DIP2C: variants seen among roughly 807,000 people sequenced by gnomAD.
DIP2C encodes disco-interacting protein 2 homolog C.
In DIP2C, 33 loss-of-function variants were observed where a neutral mutation model predicts 192.4. The ratio of observed to expected loss-of-function variants is 0.17; its 90% CI spans 0.13 to 0.23. DIP2C has a LOEUF of 0.23. Ranked by LOEUF, DIP2C falls within the 10% of genes least tolerant of loss-of-function variation. DIP2C has a pLI of 1.00. For missense variants in DIP2C, 1,537 were observed against 2,110.1 expected, an observed-to-expected ratio of 0.73 and a Z score of 5.32; for synonymous variants, 979 against 864.1, an observed-to-expected ratio of 1.13 and a Z score of -2.33.
intron 33 of DIP2C, among the ~76,000 whole-genome samples, chr10:287,500 T>TG (rs1231299794): frequency 6.6e-6 from 1 of 152,140 alleles, no homozygotes; most frequent in Non-Finnish European, 1.5e-5. Context: ...CTGCTGACTA[T>TG]GGTCCGCCAG....
At chr10:628,366 T>C (rs1369810936) in intron 1 of DIP2C, among the ~76,000 whole-genome samples, 1 of 152,206 alleles carries the variant, frequency 6.6e-6, no homozygotes, top group African/African-American at 2.4e-5. Flanking sequence ...TGTTTACATA[T>C]CCAATTACTT....
chr10:567,547 G>A (rs1055351458), intron 1 of DIP2C, among the ~76,000 whole-genome samples: 1 of 152,160 alleles, frequency 6.6e-6, no homozygotes, highest in African/African-American at 2.4e-5. Flanking sequence ...CTCTTAATCA[G>A]AAAAGACTTC....
At chr10:586,777 G>A (rs1231647784) in intron 1 of DIP2C, among the ~76,000 whole-genome samples, 2 of 152,254 alleles carry the variant, frequency 1.3e-5, no homozygotes, top group South Asian at 4.1e-4. Flanking sequence ...ATCTCAGATA[G>A]ATAATGGCTT....
At chr10:564,931 A>G (rs1425040322) in intron 1 of DIP2C, among the ~76,000 whole-genome samples, 1 of 152,240 alleles carries the variant, frequency 6.6e-6, no homozygotes, top group Non-Finnish European at 1.5e-5. Flanking sequence ...TCACCTTTAC[A>G]ATAAATCCAA....
chr10:603,589 T>C (rs1003885594), intron 1 of DIP2C, among the ~76,000 whole-genome samples: 1 of 152,206 alleles, frequency 6.6e-6, no homozygotes, highest in Admixed American at 6.5e-5. Context: ...CAGAAGACAC[T>C]GTTTCTGTCC....
chr10:289,417 T>C (rs1001221665), intron 32 of DIP2C, among the ~76,000 whole-genome samples: 2 of 152,164 alleles, frequency 1.3e-5, no homozygotes, highest in Non-Finnish European at 1.5e-5. Flanking sequence ...TACAGGTGTG[T>C]ACTACCACAT....
intron 8 of DIP2C, 86 bp downstream of exon 8, chr10:413,827 G>A: frequency 6.7e-7 from 1 of 1,502,062 alleles, no homozygotes; most frequent in Non-Finnish European, 9.1e-7. Flanking sequence ...CTTAAGTGAG[G>A]ATGTAAACGG....
At chr10:383,901 A>G (rs1014497152) in intron 16 of DIP2C, 126 bp downstream of exon 16, 21 of 1,290,002 alleles carry the variant, frequency 1.6e-5, no homozygotes, top group Non-Finnish European at 2.0e-5. Context: ...AAGAAAAATC[A>G]AAGTGCAAAG....
chr10:571,304 G>A lies in DIP2C; in HGVS notation c.86-84774C>T, dbSNP rs559904608. On this transcript the variant is annotated intron_variant, in intron 1 of 36. Coordinates refer to ENST00000280886, the MANE Select transcript of DIP2C (RefSeq NM_014974.3). ...CAGGTCAGCAACAGCCCCACTGAGG[G>A]CCAATCAGCTCCCCCCGGCCATCAC... Among the ~76,000 whole-genome samples the A allele has an allele frequency of 6.6e-5, 10 of 152,284 alleles. No homozygotes were observed. In the East Asian group the frequency reaches 1.7e-3, roughly 26 times the overall value.
chr10:466,683 A>T (rs570874489), intron 3 of DIP2C, among the ~76,000 whole-genome samples: 1 of 151,566 alleles, frequency 6.6e-6, no homozygotes, highest in Non-Finnish European at 1.5e-5. Flanking sequence ...GAACTCAAAC[A>T]AATTTACAAG....
intron 4 of DIP2C, among the ~76,000 whole-genome samples, chr10:427,016 A>C (rs1193225880): frequency 1.3e-5 from 2 of 152,246 alleles, no homozygotes; most frequent in Non-Finnish European, 2.9e-5. Flanking sequence ...GAAAACTACT[A>C]AGTTTTAAAA....
intron 36 of DIP2C, among the ~76,000 whole-genome samples, chr10:278,641 T>G (rs899838823): frequency 6.6e-6 from 1 of 152,194 alleles, no homozygotes; most frequent in Non-Finnish European, 1.5e-5. Flanking sequence ...GGCTAACCCA[T>G]GTGCAGGGAA....
intron 14 of DIP2C, 41 bp from the exon 15 acceptor site, chr10:384,680 G>A (rs1249106544): frequency 1.9e-6 from 3 of 1,596,098 alleles, no homozygotes; most frequent in African/African-American, 1.3e-5. Context: ...GCATGGAGGG[G>A]CACGCAGAGG....
At chr10:603,318 AAAAAAAAAAAAAAAACC>A (rs1852222493) in intron 1 of DIP2C, among the ~76,000 whole-genome samples, 2 of 141,598 alleles carry the variant, frequency 1.4e-5, no homozygotes, top group African/African-American at 5.4e-5. Flanking sequence ...AAAAAAAAAA[AAAAAAAAAAAAAAAACC>A]AACCATGAGA....
chr10:502,124 T>A (rs1313867278), intron 1 of DIP2C, among the ~76,000 whole-genome samples: 1 of 152,152 alleles, frequency 6.6e-6, no homozygotes, highest in Admixed American at 6.6e-5. Context: ...CCAGCATGGG[T>A]GATAGTGACC....
At chr10:677,166 A>C (rs925197042) in intron 1 of DIP2C, among the ~76,000 whole-genome samples, 1 of 152,206 alleles carries the variant, frequency 6.6e-6, no homozygotes, top group African/African-American at 2.4e-5. Context: ...AACCACTTGC[A>C]AGGAAGACTA....
chr10:494,950 A>C (rs1189363848), intron 1 of DIP2C, among the ~76,000 whole-genome samples: 4 of 152,256 alleles, frequency 2.6e-5, no homozygotes, highest in African/African-American at 9.6e-5. Flanking sequence ...CCACTGCAGC[A>C]CTATTGACAA....
chr10:582,258 C>G (rs1305272391), intron 1 of DIP2C, among the ~76,000 whole-genome samples: 4 of 152,230 alleles, frequency 2.6e-5, no homozygotes, highest in Non-Finnish European at 2.9e-5. Flanking sequence ...GTGGAGACAC[C>G]ACTCGTGACC....
chr10:480,274 G>A (rs1185806618), intron 2 of DIP2C, among the ~76,000 whole-genome samples: 33 of 142,472 alleles, frequency 2.3e-4, no homozygotes, highest in African/African-American at 2.1e-4. Context: ...CCTGAGCTCC[G>A]GGGTCCATGC....
Sources: gnomAD v4.1 joint callset for allele counts (sites outside exome capture counted in the v4.1 genomes callset) on GRCh38, gnomAD v4.1.1 for gene constraint, MANE v1.5 for transcripts, NCBI Gene and HGNC (gene_info 2026-07-23, HGNC 2026-07-21) for gene names.